The following ADK variants were observed in gnomAD, a reference collection of about 807,000 sequenced individuals.
ADK encodes N6,N6-dimethyladenosine kinase.
A neutral mutation model predicts 44.7 loss-of-function variants in ADK; 24 were observed. The observed-to-expected ratio is 0.54, with a 90% CI of 0.39 to 0.76. ADK has a LOEUF of 0.76. Ranked by LOEUF, ADK falls within the 30% of genes least tolerant of loss-of-function variation. ADK has a pLI of 0.00. For missense variants in ADK, 321 were observed against 425.1 expected (o/e 0.76, Z 2.15); for synonymous variants, 128 against 142.6 (o/e 0.90, Z 0.73).
At chr10:74,429,647 T>G (rs934468757) in intron 6 of ADK, among the ~76,000 whole-genome samples, 1 of 152,164 alleles carries the variant, frequency 6.6e-6, no homozygotes, top group African/African-American at 2.4e-5. Context: ...AGGAACTGTC[T>G]AACATAGAAA....
chr10:74,224,402 C>G, intron 2 of ADK, 136 bp from the exon 3 acceptor site: 2 of 715,260 alleles, frequency 2.8e-6, no homozygotes, highest in Non-Finnish European at 5.1e-6. Flanking sequence ...AAACCGTCTA[C>G]TTGGGCATTC....
intron 6 of ADK, among the ~76,000 whole-genome samples, chr10:74,422,333 A>G (rs1418195885): frequency 1.3e-5 from 2 of 152,240 alleles, no homozygotes; most frequent in Non-Finnish European, 2.9e-5. Context: ...CAATGAAGAA[A>G]GACTATGAAC....
chr10:74,338,389 T>C (rs569301857), intron 4 of ADK, among the ~76,000 whole-genome samples: 8 of 152,194 alleles, frequency 5.3e-5, no homozygotes, highest in Non-Finnish European at 1.0e-4. Flanking sequence ...AAATATTCCA[T>C]ATGACTCAGC....
chr10:74,156,351 G>A (rs1178634436), intron 1 of ADK, among the ~76,000 whole-genome samples: 2 of 152,132 alleles, frequency 1.3e-5, no homozygotes, highest in Non-Finnish European at 2.9e-5. Flanking sequence ...ACATGGTGTG[G>A]CTCATGCCTG....
Position 74,650,493 on chromosome 10 carries a change from A to G in ADK, c.878-19690A>G, listed in dbSNP as rs150369480. On this transcript the variant is annotated intron_variant, in intron 9 of 10. Coordinates refer to ENST00000539909, the MANE Select transcript of ADK (RefSeq NM_006721.4). ...TAGAACATTTACTTATATTATCTAA[A>G]ATGAGGTATTAAAATAGATGAACAA... 2.1e-4 allele frequency among the ~76,000 whole-genome samples: 32 copies of G among 152,288 alleles called. No homozygotes were observed. The East Asian group carries it at 4.6e-3, about 22-fold the overall frequency.
intron 3 of ADK, among the ~76,000 whole-genome samples, chr10:74,312,468 G>C (rs1592030139): frequency 6.8e-6 from 1 of 147,452 alleles, no homozygotes; most frequent in South Asian, 2.2e-4. Context: ...AGAATTTATA[G>C]CACCAAGACA....
chr10:74,391,853 C>G (rs1469198402), intron 4 of ADK, among the ~76,000 whole-genome samples: 1 of 152,152 alleles, frequency 6.6e-6, no homozygotes, highest in Admixed American at 6.5e-5. Context: ...TCTTAATTCT[C>G]TGACTTCCCT....
chr10:74,573,385 C>T (rs977629837), intron 7 of ADK, among the ~76,000 whole-genome samples: 5 of 152,134 alleles, frequency 3.3e-5, no homozygotes, highest in South Asian at 2.1e-4. Context: ...GAGGAGTGCC[C>T]GGCCGTGTGA....
chr10:74,392,316 C>T (rs1014099676), intron 4 of ADK, among the ~76,000 whole-genome samples: 8 of 152,142 alleles, frequency 5.3e-5, no homozygotes, highest in Non-Finnish European at 7.4e-5. Flanking sequence ...CCACATTTTG[C>T]CAGCATTTTT....
At chr10:74,524,001 A>AT (rs1010856437) in intron 6 of ADK, among the ~76,000 whole-genome samples, 3 of 152,238 alleles carry the variant, frequency 2.0e-5, no homozygotes, top group Admixed American at 2.0e-4. Flanking sequence ...CACCAAATAG[A>AT]TTCCTACCCT....
At chr10:74,367,584 A>C (rs1483776636) in intron 4 of ADK, among the ~76,000 whole-genome samples, 1 of 152,232 alleles carries the variant, frequency 6.6e-6, no homozygotes, top group Non-Finnish European at 1.5e-5. Flanking sequence ...TTGTAAATCC[A>C]AAACCAGTAC....
chr10:74,232,369 A>G (rs549102497), intron 3 of ADK, among the ~76,000 whole-genome samples: 1 of 152,002 alleles, frequency 6.6e-6, no homozygotes, highest in African/African-American at 2.4e-5. Flanking sequence ...AAGTATAAAA[A>G]AAATTAGCTG....
intron 1 of ADK, among the ~76,000 whole-genome samples, chr10:74,195,116 C>T (rs902658532): frequency 9.3e-5 from 14 of 150,480 alleles, no homozygotes; most frequent in Non-Finnish European, 1.6e-4. Flanking sequence ...TTCAGAATCT[C>T]TCATCCTAGC....
intron 4 of ADK, among the ~76,000 whole-genome samples, chr10:74,386,673 G>A (rs981217618): frequency 6.6e-6 from 1 of 152,106 alleles, no homozygotes; most frequent in African/African-American, 2.4e-5. Flanking sequence ...TTCTTGAAGT[G>A]GTATTTACTG....
At chr10:74,573,386 G>A (rs537067332) in intron 7 of ADK, among the ~76,000 whole-genome samples, 13 of 152,148 alleles carry the variant, frequency 8.5e-5, no homozygotes, top group African/African-American at 2.7e-4. Context: ...AGGAGTGCCC[G>A]GCCGTGTGAG....
At chr10:74,660,165 A>G (rs1258020710) in intron 9 of ADK, among the ~76,000 whole-genome samples, 3 of 152,090 alleles carry the variant, frequency 2.0e-5, no homozygotes, top group Non-Finnish European at 4.4e-5. Context: ...ATCTGGCTCT[A>G]TCACCCAGGC....
At chr10:74,168,636 G>C (rs1398197493) in intron 1 of ADK, among the ~76,000 whole-genome samples, 4 of 150,996 alleles carry the variant, frequency 2.6e-5, no homozygotes, top group Non-Finnish European at 4.4e-5. Context: ...TTTTTTAGAC[G>C]GAGTCTCTCT....
intron 1 of ADK, among the ~76,000 whole-genome samples, chr10:74,154,188 G>C (rs1255660895): frequency 1.3e-5 from 2 of 151,952 alleles, no homozygotes; most frequent in African/African-American, 4.8e-5. Context: ...AGATGTATGG[G>C]GTCCAGGCTT....
intron 9 of ADK, among the ~76,000 whole-genome samples, chr10:74,603,797 C>T (rs972011139): frequency 6.6e-6 from 1 of 152,110 alleles, no homozygotes; most frequent in African/African-American, 2.4e-5. Context: ...ATGGTATTTC[C>T]TGTTCTAGAT....
Sources: gnomAD v4.1 joint callset for allele counts (sites outside exome capture counted in the v4.1 genomes callset) on GRCh38, gnomAD v4.1.1 for gene constraint, MANE v1.5 for transcripts, NCBI Gene and HGNC (gene_info 2026-07-23, HGNC 2026-07-21) for gene names.